Variants in KRT80 observed in about 807,000 individuals in gnomAD.
KRT80 encodes the protein keratin, type II cytoskeletal 80.
In KRT80, 36 loss-of-function variants were observed where a neutral mutation model predicts 51.5. That is an observed-to-expected ratio of 0.70 (90% confidence interval 0.54 to 0.92). The LOEUF is 0.92. Among genes scored for constraint, KRT80 ranks in the 40% least tolerant of loss-of-function variants. The pLI is 0.00. For synonymous variants in KRT80, 235 were observed against 248.3 expected (o/e 0.95, Z 0.50); for missense variants, 566 against 591.7 (o/e 0.96, Z 0.45).
chr12:52,184,674 GTGA>G (rs1941374279), intron 2 of KRT80, among the ~76,000 whole-genome samples: 1 of 152,208 alleles, frequency 6.6e-6, no homozygotes, highest in South Asian at 2.1e-4. Flanking sequence ...CTAGTGATGG[GTGA>G]TGATGAAGAT....
chr12:52,174,032 C>T (rs977571017), intron 4 of KRT80, among the ~76,000 whole-genome samples: 14 of 152,342 alleles, frequency 9.2e-5, no homozygotes, highest in African/African-American at 1.9e-4. Context: ...TTAAAGGCTA[C>T]CTGCAAGCTT....
rs543996809 is a variant in KRT80 at position 52,180,605 on chromosome 12, G to A, written c.574C>T (p.Leu192=). 2.6e-6 allele frequency: 4 copies of A among 1,511,948 alleles called. No individual in the cohort carries two copies. The Middle Eastern group carries it at 5.4e-4, about 204-fold the overall frequency. The allele number at this position is 1,511,948 out of a possible 1,614,324, so 93.7% of individuals were successfully genotyped here. ...GTCCGATGAAGACACTCTGCATCCA[G>A]GTCCTGGGGTTGGCAGCAGTGGTGA... is the stretch of plus-strand genomic sequence containing the variant. ...EFTFVQLKKD[L]DAECLHRTEL... is the part of the protein sequence containing the mutation. Residue 192 remains leucine (L), a synonymous_variant, in exon 4 of 9, where the codon CTG becomes TTG. Transcript: ENST00000394815.
Position 52,171,531 on chromosome 12 carries a change from A to T in KRT80, c.1235-9T>A. 1 of 1,613,714 alleles carries T rather than the reference A, an allele frequency of 6.2e-7. No homozygotes were observed. The highest frequency in any genetic ancestry group is 8.5e-7 in the Non-Finnish European group (1 of 1,179,854). Reference sequence around the variant, plus strand: ...GCCTGATCTGGAGGCAGCTACAGGGAACATAAGGGGTAGGGGAGGGAAGGG... The same window carrying T: ...GCCTGATCTGGAGGCAGCTACAGGGTACATAAGGGGTAGGGGAGGGAAGGG... On this transcript the variant is annotated splice_polypyrimidine_tract_variant and intron_variant, in intron 8 of 8. Coordinates refer to ENST00000394815, the MANE Select transcript of KRT80 (RefSeq NM_182507.3).
rs570312694 is a variant in KRT80 at position 52,172,377 on chromosome 12, C to T, written c.999G>A (p.Gln333=). Reference sequence around the variant, plus strand: ...TGGCATCCTGGAAGGCCAGCTCACCCTGCTCCTCAGCTGTCTTGATGTTCT... The same window carrying T: ...TGGCATCCTGGAAGGCCAGCTCACCTTGCTCCTCAGCTGTCTTGATGTTCT... ...LEENIKTAEE[Q]GELAFQDAKT... The change falls in exon 7 of 9, where the codon CAG becomes CAA. Residue 333 remains glutamine, a synonymous_variant. Coordinates refer to ENST00000394815, the MANE Select transcript of KRT80 (RefSeq NM_182507.3). 8.7e-6 allele frequency: 14 copies of T among 1,614,158 alleles called. No individual in the cohort carries two copies. Among genetic ancestry groups the T allele is most frequent in the Admixed American group, 6.7e-5 (4 of 60,030 alleles).
At chr12:52,180,651 G>C (rs373993834) in intron 3 of KRT80, 43 bp from the exon 4 acceptor site, 16 of 1,544,000 alleles carry the variant, frequency 1.0e-5, no homozygotes, top group Non-Finnish European at 1.3e-5. Flanking sequence ...AGGGAATGGA[G>C]GGTCCCAGGG....
Position 52,171,226 on chromosome 12 carries a change from C to T in KRT80, c.*172G>A. 1.5e-6 allele frequency: 1 copy of T among 664,922 alleles called. No homozygotes were observed. The highest frequency in any genetic ancestry group is 2.6e-6 in the Non-Finnish European group (1 of 390,722). 41.2% of individuals were successfully genotyped at this position (664,922 alleles called of 1,614,324 possible). On this transcript the variant is annotated 3_prime_UTR_variant, in exon 9 of 9. Coordinates refer to ENST00000394815, the MANE Select transcript of KRT80 (RefSeq NM_182507.3). ...TGGCTCTGAGGAGCTGGTGATGCTC[C>T]TCTCCCACCCTGGCAGCCCACAAAA...
At position 52,171,704 on chromosome 12, in the gene KRT80, C is replaced by T. The variant is rs368777824; in HGVS notation, c.1188G>A (p.Ser396=). The T allele has an allele frequency of 8.2e-5, 80 of 977,148 alleles. No individual in the cohort carries two copies. Among genetic ancestry groups the T allele is most frequent in the Admixed American group, 1.9e-4 (6 of 30,866 alleles). The allele number at this position is 977,148 out of a possible 1,614,324, so 60.5% of individuals were successfully genotyped here. A position where few individuals can be genotyped will look rare whatever the true frequency, so the allele number is the denominator to read the frequency against. Residue 396 remains serine, a synonymous_variant, in exon 8 of 9, where the codon TCG becomes TCA. Coordinates refer to ENST00000394815, the MANE Select transcript of KRT80 (RefSeq NM_182507.3). ...LVEGEEGRMD[S]PSATVVSAVQ... ...CAGCGCTGACCACAGTGGCTGAGGG[C>T]GAGTCCATCCTGGGGGTGGGGGACG...
chr12:52,173,318 C>T (rs1251893146), intron 5 of KRT80, among the ~76,000 whole-genome samples, 155 bp from the exon 6 acceptor site: 1 of 60,708 alleles, frequency 1.6e-5, no homozygotes, highest in East Asian at 7.1e-4. Flanking sequence ...TTCCACCTCC[C>T]TTTCTGGGTG....
At chr12:52,186,905 C>G (rs1941416658) in intron 1 of KRT80, among the ~76,000 whole-genome samples, 1 of 152,164 alleles carries the variant, frequency 6.6e-6, no homozygotes. Flanking sequence ...TGGCTGTCCT[C>G]TCTACTCTCC....
rs142064802 is a variant in KRT80 at position 52,170,929 on chromosome 12, C to T, written c.*469G>A. ...AATTCCAGATACAGGACAGGGCCCA[C>T]GCCGTCCTCCTCGGCTCCCGCACAT... is the stretch of plus-strand genomic sequence containing the variant. On this transcript the variant is annotated 3_prime_UTR_variant, in exon 9 of 9. Coordinates refer to ENST00000394815, the MANE Select transcript of KRT80 (RefSeq NM_182507.3). The T allele has an allele frequency of 2.5e-3, 399 of 160,864 alleles. 3 individuals carry two copies. Among genetic ancestry groups the T allele is most frequent in the African/African-American group, 9.0e-3 (373 of 41,640 alleles). 10.0% of individuals were successfully genotyped at this position (160,864 alleles called of 1,614,324 possible). A position where few individuals can be genotyped will look rare whatever the true frequency, so the allele number is the denominator to read the frequency against.
At chr12:52,173,842 C>A (rs1417551562) in intron 4 of KRT80, 78 bp from the exon 5 acceptor site, 4 of 1,449,338 alleles carry the variant, frequency 2.8e-6, no homozygotes, top group Non-Finnish European at 2.8e-6. Flanking sequence ...GTCACTTTGT[C>A]CCCGGGGTGA....
In KRT80 at chr12:52,173,729, C is replaced by T. The variant is rs1941164432; in HGVS notation, c.702G>A (p.Val234=). The T allele has an allele frequency of 6.2e-7, 1 of 1,612,084 alleles. No individual in the cohort carries two copies. Among genetic ancestry groups the T allele is most frequent in the East Asian group, 2.2e-5 (1 of 44,900 alleles). The part of the protein sequence containing the change: ...LKDLAAQVKD[V]SVTVGMDSRC... ...GGCTGTCCATGCCGACGGTCACCGACACATCCTTCACCTGTGCTGCCAGGT... is the reference window on the plus strand; with the variant it reads ...GGCTGTCCATGCCGACGGTCACCGATACATCCTTCACCTGTGCTGCCAGGT... The change falls in exon 5 of 9, where the codon GTG becomes GTA. Residue 234 remains valine (V), a synonymous_variant. Transcript: ENST00000394815.
In KRT80 at chr12:52,180,960, A is replaced by G. The variant is rs1389999866; in HGVS notation, c.513T>C (p.Tyr171=). 1 of 1,524,060 alleles carries G rather than the reference A, an allele frequency of 6.6e-7. No homozygotes were observed. The highest frequency in any genetic ancestry group is 8.8e-7 in the Non-Finnish European group (1 of 1,137,802). 94.4% of individuals were successfully genotyped at this position (1,524,060 alleles called of 1,614,324 possible). ...CTGTGCGCTTGGAGATCTCATCCTCATACCTGGGAGGGAGAGAGGGGTTGC... is the reference window on the plus strand; with the variant it reads ...CTGTGCGCTTGGAGATCTCATCCTCGTACCTGGGAGGGAGAGAGGGGTTGC... ...LEKVEEFRIR[Y]EDEISKRTDM... The change falls in exon 3 of 9, where the codon TAT becomes TAC. Residue 171 remains tyrosine (Y), a synonymous_variant. Coordinates refer to ENST00000394815, the MANE Select transcript of KRT80 (RefSeq NM_182507.3).
At chr12:52,187,884 T>G (rs1038502226) in intron 1 of KRT80, among the ~76,000 whole-genome samples, 5 of 152,202 alleles carry the variant, frequency 3.3e-5, no homozygotes, top group African/African-American at 1.2e-4. Flanking sequence ...CCTCCACCCA[T>G]GAGCAGCAGA....
At position 52,187,913 on chromosome 12, in the gene KRT80, A is replaced by C. The variant is rs574902261; in HGVS notation, c.301-2326T>G. On this transcript the variant is annotated intron_variant, in intron 1 of 8. Transcript: ENST00000394815. ...CAGCAGAGAAATCTTCACACCAGGA[A>C]GTTCTTCCTACAGTCTAACCTCAAT... Among the ~76,000 whole-genome samples the C allele has an allele frequency of 5.3e-5, 8 of 152,306 alleles. No homozygotes were observed. The South Asian group carries it at 6.2e-4, about 12-fold the overall frequency.
chr12:52,182,868 C>T (rs563181997), intron 2 of KRT80, among the ~76,000 whole-genome samples: 13 of 152,280 alleles, frequency 8.5e-5, no homozygotes, highest in South Asian at 8.3e-4. Context: ...CCGAGGGGAA[C>T]GCTGGGCTGC....
At chr12:52,176,876 GA>G (rs1941233949) in intron 4 of KRT80, among the ~76,000 whole-genome samples, 1 of 152,230 alleles carries the variant, frequency 6.6e-6, no homozygotes, top group African/African-American at 2.4e-5. Context: ...TTATAGAGCT[GA>G]AAACAGATAA....
At chr12:52,191,502 AG>A (rs1941479981) in intron 1 of KRT80, 100 bp downstream of exon 1, 1 of 1,186,372 alleles carries the variant, frequency 8.4e-7, no homozygotes, top group South Asian at 1.5e-5. Context: ...GGCTGGGTGC[AG>A]GGGTGGGGCG....
At chr12:52,179,899 C>T (rs190776051) in intron 4 of KRT80, among the ~76,000 whole-genome samples, 180 of 152,306 alleles carry the variant, frequency 1.2e-3, no homozygotes, top group Non-Finnish European at 1.6e-3. Flanking sequence ...CTGAAGGGTG[C>T]CTAGGAGTCA....
Sources: allele counts gnomAD v4.1 joint callset (sites outside exome capture counted in the v4.1 genomes callset), GRCh38; gene constraint gnomAD v4.1.1; transcripts MANE v1.5; gene names NCBI Gene and HGNC (gene_info 2026-07-23, HGNC 2026-07-21).